Variants in TMEM178B observed in about 807,000 individuals in gnomAD.
The protein encoded by TMEM178B is transmembrane protein 178B.
A neutral mutation model predicts 31.0 loss-of-function variants in TMEM178B; 5 were observed. The observed-to-expected ratio is 0.16, with a 90% CI of 0.08 to 0.34. The LOEUF is 0.34. Ranked by LOEUF, TMEM178B falls within the 10% of genes least tolerant of loss-of-function variation. TMEM178B has a pLI of 1.00. For synonymous variants in TMEM178B, 164 were observed against 164.0 expected (o/e 1.00, Z 0.00); for missense variants, 275 against 400.3 (o/e 0.69, Z 2.67).
chr7:141,336,915 C>A (rs1275677257), intron 2 of TMEM178B, among the ~76,000 whole-genome samples: 1 of 134,748 alleles, frequency 7.4e-6, no homozygotes, highest in African/African-American at 3.0e-5. Context: ...ATCATCACCA[C>A]CACCACCACC....
intron 2 of TMEM178B, among the ~76,000 whole-genome samples, chr7:141,359,072 G>A (rs1032953500): frequency 5.3e-5 from 8 of 152,082 alleles, no homozygotes; most frequent in Non-Finnish European, 1.0e-4. Context: ...GCAGCTACAT[G>A]TATCATTTAA....
chr7:141,351,268 G>T (rs561984400), intron 2 of TMEM178B, among the ~76,000 whole-genome samples: 1 of 152,380 alleles, frequency 6.6e-6, no homozygotes, highest in East Asian at 1.9e-4. Context: ...TGAGTTGGCA[G>T]TGTGATCTGG....
At chr7:141,449,173 G>A (rs1328816576) in intron 3 of TMEM178B, among the ~76,000 whole-genome samples, 1 of 152,174 alleles carries the variant, frequency 6.6e-6, no homozygotes, top group Non-Finnish European at 1.5e-5. Context: ...CTCAGAGAAA[G>A]GGAAGTTGTC....
chr7:141,384,057 A>G (rs1490368514), intron 2 of TMEM178B, among the ~76,000 whole-genome samples: 2 of 151,848 alleles, frequency 1.3e-5, no homozygotes, highest in East Asian at 1.9e-4. Flanking sequence ...CCACTTTTTG[A>G]TGGGGTTGTT....
chr7:141,378,996 G>A (rs1478103168), intron 2 of TMEM178B, among the ~76,000 whole-genome samples: 3 of 152,124 alleles, frequency 2.0e-5, no homozygotes, highest in Non-Finnish European at 2.9e-5. Flanking sequence ...GGGGCACCAA[G>A]GGGCCTCAGA....
At chr7:141,509,308 A>T in the TMEM178B span, among the ~76,000 whole-genome samples, 1 of 152,236 alleles carries the variant, frequency 6.6e-6, no homozygotes, top group Admixed American at 6.5e-5. Flanking sequence ...AGTAGGGAGG[A>T]TAGAAAATTT....
intron 2 of TMEM178B, among the ~76,000 whole-genome samples, chr7:141,226,932 G>C (rs1419806348): frequency 6.6e-6 from 1 of 151,852 alleles, no homozygotes; most frequent in Admixed American, 6.6e-5. Context: ...TTGAAGGAGA[G>C]AGGCCTGGAT....
intron 2 of TMEM178B, among the ~76,000 whole-genome samples, chr7:141,372,915 G>T (rs987655844): frequency 6.6e-6 from 1 of 152,178 alleles, no homozygotes; most frequent in African/African-American, 2.4e-5. Context: ...ATGAGGAATG[G>T]GGTGGGGTGA....
chr7:141,260,661 A>G (rs192992394), intron 2 of TMEM178B, among the ~76,000 whole-genome samples: 14 of 152,366 alleles, frequency 9.2e-5, no homozygotes, highest in Non-Finnish European at 1.9e-4. Flanking sequence ...AACATGGTGC[A>G]TCTTCTAGAA....
intron 2 of TMEM178B, among the ~76,000 whole-genome samples, chr7:141,243,452 G>A (rs1192428599): frequency 6.6e-6 from 1 of 152,132 alleles, no homozygotes; most frequent in Non-Finnish European, 1.5e-5. Flanking sequence ...CTTAACCAAG[G>A]ATGTGAGATG....
chr7:141,213,724 T>C (rs1416355224), intron 2 of TMEM178B, among the ~76,000 whole-genome samples: 1 of 152,236 alleles, frequency 6.6e-6, no homozygotes, highest in Non-Finnish European at 1.5e-5. Context: ...ACTTTTGGGA[T>C]TGGCTTTAAT....
intron 2 of TMEM178B, among the ~76,000 whole-genome samples, chr7:141,379,772 C>T (rs1343455669): frequency 1.3e-5 from 2 of 152,128 alleles, no homozygotes; most frequent in East Asian, 3.9e-4. Context: ...TCTCATCCAC[C>T]TTCCTTCTCT....
At chr7:141,300,349 C>T (rs1221484742) in intron 2 of TMEM178B, among the ~76,000 whole-genome samples, 3 of 152,080 alleles carry the variant, frequency 2.0e-5, no homozygotes, top group Non-Finnish European at 2.9e-5. Flanking sequence ...TCATGGGACT[C>T]ATGTATCTGT....
chr7:141,169,591 G>A (rs1330592113), intron 1 of TMEM178B, among the ~76,000 whole-genome samples: 1 of 152,190 alleles, frequency 6.6e-6, no homozygotes, highest in African/African-American at 2.4e-5. Context: ...GGCTCTGACA[G>A]GCTCTGCAAA....
chr7:141,092,160 G>A (rs1358820545), intron 1 of TMEM178B, among the ~76,000 whole-genome samples: 4 of 152,006 alleles, frequency 2.6e-5, no homozygotes, highest in African/African-American at 9.7e-5. Context: ...AGTTCCCTTG[G>A]CCTCAAATAT....
chr7:141,331,236 A>T (rs1799293876), intron 2 of TMEM178B, among the ~76,000 whole-genome samples: 1 of 152,216 alleles, frequency 6.6e-6, no homozygotes, highest in African/African-American at 2.4e-5. Flanking sequence ...AAGGCCATAG[A>T]ATAGATGATA....
At chr7:141,205,403 C>T (rs1348740223) in intron 1 of TMEM178B, among the ~76,000 whole-genome samples, 4 of 152,170 alleles carry the variant, frequency 2.6e-5, no homozygotes, top group African/African-American at 9.7e-5. Context: ...CCTCGGCCAC[C>T]CTGTCAGCAC....
At chr7:141,281,985 G>C (rs1172498640) in intron 2 of TMEM178B, among the ~76,000 whole-genome samples, 1 of 152,210 alleles carries the variant, frequency 6.6e-6, no homozygotes, top group Non-Finnish European at 1.5e-5. Flanking sequence ...CCATTTTGCT[G>C]GTAGAGTAGG....
At position 141,163,470 on chromosome 7, in the gene TMEM178B, G is replaced by T. The variant is rs370586339; in HGVS notation, c.383-49121G>T. Among the ~76,000 whole-genome samples the T allele has an allele frequency of 2.0e-5, 3 of 152,166 alleles. 1 individual carries two copies. In the South Asian group the frequency reaches 6.2e-4, roughly 32 times the overall value. On this transcript the variant is annotated intron_variant, in intron 1 of 3. Coordinates refer to ENST00000565468, the MANE Select transcript of TMEM178B (RefSeq NM_001195278.2). ...AGGGTGAAGAATTGGGATCATTAATGCAGTCTACCACAGATTGGTATTCTC... is the reference window on the plus strand; with the variant it reads ...AGGGTGAAGAATTGGGATCATTAATTCAGTCTACCACAGATTGGTATTCTC...
Sources: gnomAD v4.1 joint callset for allele counts (sites outside exome capture counted in the v4.1 genomes callset) on GRCh38, gnomAD v4.1.1 for gene constraint, MANE v1.5 for transcripts, NCBI Gene and HGNC (gene_info 2026-07-23, HGNC 2026-07-21) for gene names.